The following ADAM29 variants were observed in gnomAD, a reference collection of about 807,000 sequenced individuals.
The protein encoded by ADAM29 is disintegrin and metalloproteinase domain-containing protein 29.
For missense variants in ADAM29, 969 were observed against 1,001.8 expected, an observed-to-expected ratio of 0.97 and a Z score of 0.44; for synonymous variants, 367 against 342.3, an observed-to-expected ratio of 1.07 and a Z score of -0.80.
intron 2 of ADAM29, among the ~76,000 whole-genome samples, chr4:174,929,428 T>C (rs1172887750): frequency 6.6e-6 from 1 of 152,136 alleles, no homozygotes; most frequent in Middle Eastern, 3.2e-3. Flanking sequence ...ATCACACAGC[T>C]ACGAAAATTT....
intron 4 of ADAM29, among the ~76,000 whole-genome samples, chr4:174,947,847 T>C (rs920598703): frequency 6.6e-6 from 1 of 152,210 alleles, no homozygotes; most frequent in African/African-American, 2.4e-5. Context: ...GGAGGTGAAG[T>C]TTCCCACTGT....
Position 174,977,616 on chromosome 4 carries a change from T to C in ADAM29, c.2091T>C (p.Leu697=). ...LFILLCCLYR[L]CKKSKPIKKQ... The stretch of plus-strand genomic sequence containing the variant: ...TTTTATTATGTTGTCTTTATCGACT[T>C]TGTAAAAAAAGTAAACCAATAAAAA... Residue 697 remains leucine (L), a synonymous_variant, in exon 5 of 5, where the codon CTT becomes CTC. Coordinates refer to ENST00000359240, the MANE Select transcript of ADAM29 (RefSeq NM_014269.4). 6.2e-7 allele frequency: 1 copy of C among 1,613,882 alleles called. No individual in the cohort carries two copies. The highest frequency in any genetic ancestry group is 8.5e-7 in the Non-Finnish European group (1 of 1,179,946).
intron 3 of ADAM29, among the ~76,000 whole-genome samples, chr4:174,932,979 A>G (rs1743985930): frequency 6.6e-6 from 1 of 152,084 alleles, no homozygotes; most frequent in African/African-American, 2.4e-5. Flanking sequence ...CCTCACAGAT[A>G]GGTCCCATGT....
chr4:174,943,249 A>G (rs181768799), intron 4 of ADAM29, among the ~76,000 whole-genome samples: 1 of 152,182 alleles, frequency 6.6e-6, no homozygotes, highest in African/African-American at 2.4e-5. Flanking sequence ...AAGCCCTCCA[A>G]ACTCTTCTAA....
chr4:174,977,471 A>T lies in ADAM29; in HGVS notation c.1946A>T (p.Asp649Val). The T allele has an allele frequency of 6.2e-7, 1 of 1,614,030 alleles. No homozygotes were observed. The highest frequency in any genetic ancestry group is 8.5e-7 in the Non-Finnish European group (1 of 1,179,990). The change falls in exon 5 of 5, where the codon GAC (aspartate) becomes GTC (valine). Residue 649 changes from aspartate to valine, a missense_variant. Physicochemically the swap from Asp to Val is radical, Grantham distance 152 (BLOSUM62 -3). Transcript: ENST00000359240. ...KHHCHCNYLW[D>V]PPNCLIKGYG... is the part of the protein sequence containing the mutation. ...CACTGCCATTGCAATTATCTGTGGG[A>T]CCCTCCCAACTGCCTGATAAAAGGC...
At position 174,976,642 on chromosome 4, in the gene ADAM29, G is replaced by A. The variant is rs372784440; in HGVS notation, c.1117G>A (p.Asp373Asn). 7.4e-6 allele frequency: 12 copies of A among 1,613,428 alleles called. No homozygotes were observed. Among genetic ancestry groups the A allele is most frequent in the Non-Finnish European group, 1.0e-5 (12 of 1,179,686 alleles). Residue 373 changes from aspartate to asparagine, a missense_variant, in exon 5 of 5, where the codon GAT becomes AAT. By Grantham distance (23) the Asp-to-Asn change is conservative. Coordinates refer to ENST00000359240, the MANE Select transcript of ADAM29 (RefSeq NM_014269.4). Reference protein sequence around the residue: ...ITKFSNCSYGDFWEYTVERTK... With the variant: ...ITKFSNCSYGNFWEYTVERTK... ...TAAATTTAGCAATTGTAGTTATGGT[G>A]ATTTTTGGGAATATACTGTAGAGAG...
rs1746882389 is a variant in ADAM29 at position 174,977,178 on chromosome 4, T to G, written c.1653T>G (p.Cys551Trp). 3.7e-6 allele frequency: 6 copies of G among 1,613,988 alleles called. No homozygotes were observed. Among genetic ancestry groups the G allele is most frequent in the Admixed American group, 1.7e-5 (1 of 60,002 alleles). ...YIKCNISDVQCGRIQCENVTE... is the reference protein window; with the variant it reads ...YIKCNISDVQWGRIQCENVTE... ...AGTGTAATATCTCAGATGTCCAGTGTGGAAGAATTCAGTGTGAGAATGTGA... is the reference window on the plus strand; with the variant it reads ...AGTGTAATATCTCAGATGTCCAGTGGGGAAGAATTCAGTGTGAGAATGTGA... Residue 551 changes from cysteine (C) to tryptophan (W), a missense_variant, in exon 5 of 5, where the codon TGT (cysteine) becomes TGG (tryptophan). Coordinates refer to ENST00000359240, the MANE Select transcript of ADAM29 (RefSeq NM_014269.4).
intron 2 of ADAM29, among the ~76,000 whole-genome samples, chr4:174,922,033 T>A (rs1443126266): frequency 6.6e-6 from 1 of 152,218 alleles, no homozygotes; most frequent in Non-Finnish European, 1.5e-5. Context: ...AATTAGTTAA[T>A]GATTCTTTTT....
intron 3 of ADAM29, among the ~76,000 whole-genome samples, chr4:174,931,977 A>T (rs1743907854): frequency 5.9e-5 from 9 of 152,120 alleles, no homozygotes; most frequent in Admixed American, 5.9e-4. Context: ...ATTTTTCCAC[A>T]TTTATTTTTA....
intron 4 of ADAM29, among the ~76,000 whole-genome samples, chr4:174,952,134 A>T (rs1745213675): frequency 6.6e-6 from 1 of 152,174 alleles, no homozygotes; most frequent in African/African-American, 2.4e-5. Flanking sequence ...ACAAAAATAT[A>T]TGCATTTTAA....
chr4:174,934,236 TC>T (rs1270174692), intron 3 of ADAM29, among the ~76,000 whole-genome samples: 3 of 152,174 alleles, frequency 2.0e-5, no homozygotes, highest in East Asian at 3.9e-4. Flanking sequence ...GAGCTTTTTT[TC>T]ATATGACAAG....
chr4:174,976,442 T>G lies in ADAM29; in HGVS notation c.917T>G (p.Met306Arg). 6.2e-7 allele frequency: 1 copy of G among 1,601,452 alleles called. No homozygotes were observed. The highest frequency in any genetic ancestry group is 1.7e-5 in the Admixed American group (1 of 58,002). Reference sequence around the variant, plus strand: ...AGTGGCATAGGAGCTTTTAGAGGAATGTGTACACCACACCGTAGTTGTGCA... The same window carrying G: ...AGTGGCATAGGAGCTTTTAGAGGAAGGTGTACACCACACCGTAGTTGTGCA... ...GLSGIGAFRGMCTPHRSCAIV... is the reference protein window; with the variant it reads ...GLSGIGAFRGRCTPHRSCAIV... The change falls in exon 5 of 5, where the codon ATG becomes AGG. Residue 306 changes from methionine (M) to arginine (R), a missense_variant. By Grantham distance (91) the Met-to-Arg change is moderately conservative. Transcript: ENST00000359240.
Position 174,977,801 on chromosome 4 carries a change from G to A in ADAM29, c.2276G>A (p.Ser759Asn), listed in dbSNP as rs371739717. ...QSHPQVMPSQ[S>N]QPPVTPSQSQ... ...CATCCTCAGGTGATGCCTTCCCAGA[G>A]TCAACCTCCTGTGACACCCTCCCAG... The change falls in exon 5 of 5, where the codon AGT becomes AAT. Residue 759 changes from serine to asparagine, a missense_variant. By Grantham distance (46) the Ser-to-Asn change is conservative. Coordinates refer to ENST00000359240, the MANE Select transcript of ADAM29 (RefSeq NM_014269.4). 55 of 1,593,500 alleles carry A rather than the reference G, an allele frequency of 3.5e-5. No homozygotes were observed. The highest frequency in any genetic ancestry group is 4.7e-5 in the Non-Finnish European group (55 of 1,166,550).
intron 4 of ADAM29, among the ~76,000 whole-genome samples, chr4:174,971,026 T>C (rs1057434609): frequency 6.6e-6 from 1 of 152,196 alleles, no homozygotes; most frequent in African/African-American, 2.4e-5. Flanking sequence ...CTTTATTTTA[T>C]TGTTGCTGCA....
In ADAM29 at chr4:174,976,820, C is replaced by T; in HGVS notation, c.1295C>T (p.Thr432Ile). 6.2e-7 allele frequency: 1 copy of T among 1,614,202 alleles called. No individual in the cohort carries two copies. The change falls in exon 5 of 5, where the codon ACT becomes ATT. Residue 432 changes from threonine to isoleucine, a missense_variant. Thr to Ile is a moderately conservative substitution (Grantham distance 89). Coordinates refer to ENST00000359240, the MANE Select transcript of ADAM29 (RefSeq NM_014269.4). ...DPCCLSNCTL[T>I]DGSTCAFGLC... ...TGCTGTCTGTCAAATTGCACTCTGA[C>T]TGATGGTTCTACTTGTGCTTTTGGG...
In ADAM29 at chr4:174,931,061, A is replaced by C. The variant is rs1424498275; in HGVS notation, c.-375A>C. ...CTGAAGTGAAAACTCATAGTGCATAACTCGTCAATACTCCTGTGATCGTAT... is the reference window on the plus strand; with the variant it reads ...CTGAAGTGAAAACTCATAGTGCATACCTCGTCAATACTCCTGTGATCGTAT... On this transcript the variant is annotated 5_prime_UTR_variant, in exon 3 of 5. Coordinates refer to ENST00000359240, the MANE Select transcript of ADAM29 (RefSeq NM_014269.4). 6.6e-6 allele frequency: 1 copy of C among 152,170 alleles called. No individual in the cohort carries two copies. Among genetic ancestry groups the C allele is most frequent in the Admixed American group, 6.6e-5 (1 of 15,266 alleles). 9.4% of individuals were successfully genotyped at this position (152,170 alleles called of 1,614,324 possible).
chr4:174,969,206 A>G (rs1181641410), intron 4 of ADAM29, among the ~76,000 whole-genome samples: 3 of 151,408 alleles, frequency 2.0e-5, no homozygotes, highest in African/African-American at 7.3e-5. Context: ...TCTAGGGTAC[A>G]TGTGCACATT....
At chr4:174,950,118 G>T (rs1439158270) in intron 4 of ADAM29, among the ~76,000 whole-genome samples, 1 of 152,062 alleles carries the variant, frequency 6.6e-6, no homozygotes, top group South Asian at 2.1e-4. Flanking sequence ...ATAAGTAAAA[G>T]TATTGATTTT....
intron 4 of ADAM29, among the ~76,000 whole-genome samples, chr4:174,947,505 A>G (rs1422507852): frequency 6.6e-6 from 1 of 152,198 alleles, no homozygotes; most frequent in Non-Finnish European, 1.5e-5. Context: ...TGTTTACCCA[A>G]AAGCCATTCA....
Sources: allele counts gnomAD v4.1 joint callset (sites outside exome capture counted in the v4.1 genomes callset), GRCh38; gene constraint gnomAD v4.1.1; transcripts MANE v1.5; gene names NCBI Gene and HGNC (gene_info 2026-07-23, HGNC 2026-07-21).